Variants in LRCH4 observed in about 807,000 individuals in gnomAD.
The protein encoded by LRCH4 is leucine rich repeats and calponin homology domain containing 4, also known as leucine-rich repeat and calponin homology domain-containing protein 4.
A neutral mutation model predicts 81.2 loss-of-function variants in LRCH4; 56 were observed. The observed-to-expected ratio is 0.69, with a 90% CI of 0.56 to 0.86. The LOEUF is 0.86. LRCH4 is among the 40% of genes least tolerant of loss of function. The probability of loss-of-function intolerance (pLI) is 0.00; values close to 1 mark genes in which losing one functional copy is unlikely to be tolerated. For missense variants in LRCH4, 895 were observed against 922.8 expected (o/e 0.97, Z 0.39); for synonymous variants, 442 against 409.7 (o/e 1.08, Z -0.95).
chr7:100,574,974 GGTCA>G lies in LRCH4; in HGVS notation c.*129_*132del, dbSNP rs1344974617. Reference sequence around the variant, plus strand: ...GGGGGCACCAGAGTGGGGCCTCTGAGGTCAGTGTCTGTGAAGGGGGTGCACTAGT... The same window carrying G: ...GGGGGCACCAGAGTGGGGCCTCTGAGGTGTCTGTGAAGGGGGTGCACTAGT... On this transcript the variant is annotated 3_prime_UTR_variant, in exon 18 of 18. Coordinates refer to ENST00000310300, the MANE Select transcript of LRCH4 (RefSeq NM_002319.5). 4 of 870,708 alleles carry G rather than the reference GGTCA, an allele frequency of 4.6e-6. No homozygotes were observed. The highest frequency in any genetic ancestry group is 2.9e-5 in the Admixed American group (1 of 34,530). The allele number at this position is 870,708 out of a possible 1,614,324, so 53.9% of individuals were successfully genotyped here. A position where few individuals can be genotyped will look rare whatever the true frequency, so the allele number is the denominator to read the frequency against.
chr7:100,578,787 C>G lies in LRCH4; in HGVS notation c.599-1G>C. On this transcript the variant is annotated splice_acceptor_variant, in intron 4 of 17. Transcript: ENST00000310300. LOFTEE classifies it high-confidence loss of function. This position sits in a 1 kb window ranked among gnomAD's most constrained non-coding sequence, Gnocchi z 5.7. The stretch of plus-strand genomic sequence containing the variant: ...CGGACCAGAGGGAGGTCCCCCAGCT[C>G]TGGAACAGGTGGGCAAGGGAAAAGT... 6.2e-7 allele frequency: 1 copy of G among 1,612,952 alleles called. No individual in the cohort carries two copies. Among genetic ancestry groups the G allele is most frequent in the Non-Finnish European group, 8.5e-7 (1 of 1,179,786 alleles).
At chr7:100,584,795 C>A in intron 1 of LRCH4, 1 of 456,594 alleles carries the variant, frequency 2.2e-6, no homozygotes, top group Non-Finnish European at 4.4e-6. Context: ...GGTGAGCAGG[C>A]ACCTGCTTAG....
At chr7:100,585,689 C>T (rs1801713121) in intron 1 of LRCH4, among the ~76,000 whole-genome samples, 192 bp downstream of exon 1, 1 of 152,066 alleles carries the variant, frequency 6.6e-6, no homozygotes, top group Admixed American at 6.5e-5. Context: ...TCTGTGCAAA[C>T]GAGAAGCACG....
chr7:100,576,241 G>A lies in LRCH4; in HGVS notation c.1635C>T (p.Arg545=). The change falls in exon 15 of 18, where the codon CGC becomes CGT. Residue 545 remains arginine, a synonymous_variant. Transcript: ENST00000310300. ...PDEKDLMTQL[R]QVLESRLQRP... ...CGCAGCTCCCGCCTCTGCTCACCTGGCGCAGCTGAGTCATTAAGTCCTTCT... is the reference window on the plus strand; with the variant it reads ...CGCAGCTCCCGCCTCTGCTCACCTGACGCAGCTGAGTCATTAAGTCCTTCT... 3 of 1,613,922 alleles carry A rather than the reference G, an allele frequency of 1.9e-6. No homozygotes were observed. The highest frequency in any genetic ancestry group is 1.7e-6 in the Non-Finnish European group (2 of 1,179,878).
chr7:100,576,039 C>A, intron 15 of LRCH4, 31 bp from the exon 16 acceptor site: 1 of 1,584,212 alleles, frequency 6.3e-7, no homozygotes, highest in Non-Finnish European at 8.6e-7. Flanking sequence ...GAGCAGGGGT[C>A]AGGGAAGGAG....
Position 100,577,864 on chromosome 7 carries a change from G to T in LRCH4, c.997C>A (p.Arg333=), listed in dbSNP as rs377002060. ...ELSFRISELA[R]EPRGPRERKE... is the part of the protein sequence containing the mutation. The stretch of plus-strand genomic sequence containing the variant: ...CGTTCTCTGGGTCCCCGGGGCTCCC[G>T]GGCCAGCTCTGAGATCCGGAATGAC... Residue 333 remains arginine (R), a synonymous_variant, in exon 8 of 18, where the codon CGG becomes AGG. Transcript: ENST00000310300. The surrounding 1 kb of genome is among the most constrained non-coding windows in gnomAD (Gnocchi z 6.7). 18 of 1,613,770 alleles carry T rather than the reference G, an allele frequency of 1.1e-5. No individual in the cohort carries two copies. The highest frequency in any genetic ancestry group is 5.3e-5 in the African/African-American group (4 of 74,904).
rs753435128 is a variant in LRCH4 at position 100,577,621 on chromosome 7, CT to C, written c.1116+42del. 6.2e-7 allele frequency: 1 copy of C among 1,612,452 alleles called. No individual in the cohort carries two copies. The highest frequency in any genetic ancestry group is 1.1e-5 in the South Asian group (1 of 91,080). On this transcript the variant is annotated intron_variant, in intron 9 of 17. Coordinates refer to ENST00000310300, the MANE Select transcript of LRCH4 (RefSeq NM_002319.5). This position sits in a 1 kb window ranked among gnomAD's most constrained non-coding sequence, Gnocchi z 6.7. ...GTGCCCACGCCTGCCCTGTCCCCTC[CT>C]CCAGCTCCCCTCCCTTGGGAGAGGC... is the stretch of plus-strand genomic sequence containing the variant.
chr7:100,583,840 GA>G lies in LRCH4; in HGVS notation c.221-1382del. On this transcript the variant is annotated intron_variant, in intron 1 of 17. Coordinates refer to ENST00000310300, the MANE Select transcript of LRCH4 (RefSeq NM_002319.5). This position sits in a 1 kb window ranked among gnomAD's most constrained non-coding sequence, Gnocchi z 4.3. The stretch of plus-strand genomic sequence containing the variant: ...TGTGTTTGTGTGTGTGCATGTGGAC[GA>G]AGGGGGTGGAGACCGAGTTCTCAGA... The G allele has an allele frequency of 3.6e-6, 1 of 280,422 alleles. No individual in the cohort carries two copies. The highest frequency in any genetic ancestry group is 7.3e-6 in the Non-Finnish European group (1 of 137,552). The allele number at this position is 280,422 out of a possible 1,614,324, so 17.4% of individuals were successfully genotyped here.
intron 15 of LRCH4, 66 bp from the exon 16 acceptor site, chr7:100,576,074 G>C: frequency 6.5e-7 from 1 of 1,533,180 alleles, no homozygotes; most frequent in Non-Finnish European, 8.8e-7. Context: ...CAGGGAGAGT[G>C]GGGGGCTCAG....
At position 100,574,665 on chromosome 7, in the gene LRCH4, T is replaced by TCTGTA. The variant is rs1442454602; in HGVS notation, c.*437_*441dup. On this transcript the variant is annotated 3_prime_UTR_variant, in exon 18 of 18. Coordinates refer to ENST00000310300, the MANE Select transcript of LRCH4 (RefSeq NM_002319.5). ...ACACACACAGGCAGGGCGGCCACGG[T>TCTGTA]CTGTACAGTTTATACACAGAGATAG... 6.3e-6 allele frequency: 1 copy of TCTGTA among 159,166 alleles called. No homozygotes were observed. The highest frequency in any genetic ancestry group is 2.6e-5 in the African/African-American group (1 of 38,146). The allele number at this position is 159,166 out of a possible 1,614,324, so 9.9% of individuals were successfully genotyped here.
In LRCH4 at chr7:100,577,997, C is replaced by T; in HGVS notation, c.949-85G>A. ...GGGGGGTCCTGTGTGGGACTAAGCTCAGGGTCTCTGCTGAGCCAGCCCTTC... is the reference window on the plus strand; with the variant it reads ...GGGGGGTCCTGTGTGGGACTAAGCTTAGGGTCTCTGCTGAGCCAGCCCTTC... On this transcript the variant is annotated intron_variant, in intron 7 of 17. Transcript: ENST00000310300. The surrounding 1 kb of genome is among the most constrained non-coding windows in gnomAD (Gnocchi z 6.7). 7.4e-7 allele frequency: 1 copy of T among 1,350,744 alleles called. No individual in the cohort carries two copies. The allele number at this position is 1,350,744 out of a possible 1,614,324, so 83.7% of individuals were successfully genotyped here.
chr7:100,574,853 G>C lies in LRCH4; in HGVS notation c.*254C>G, dbSNP rs1801292617. 4.4e-6 allele frequency: 2 copies of C among 452,970 alleles called. No homozygotes were observed. Among genetic ancestry groups the C allele is most frequent in the Non-Finnish European group, 7.9e-6 (2 of 252,142 alleles). 28.1% of individuals were successfully genotyped at this position (452,970 alleles called of 1,614,324 possible). Reference sequence around the variant, plus strand: ...CCCTCACGGGGTACAGAGGGCAGGGGCAGGGCCGGCGGGGACATGAAGGCA... The same window carrying C: ...CCCTCACGGGGTACAGAGGGCAGGGCCAGGGCCGGCGGGGACATGAAGGCA... On this transcript the variant is annotated 3_prime_UTR_variant, in exon 18 of 18. Transcript: ENST00000310300.
chr7:100,584,111 G>C (rs754362775), intron 1 of LRCH4: 2 of 456,394 alleles, frequency 4.4e-6, no homozygotes, highest in Non-Finnish European at 8.8e-6. Flanking sequence ...AAAGAGATGG[G>C]AGACGGGAGG....
At chr7:100,580,814 GAC>G (rs141381033) in intron 4 of LRCH4, 4 of 148,064 alleles carry the variant, frequency 2.7e-5, no homozygotes, top group Admixed American at 6.8e-5. Flanking sequence ...CATGCACATA[GAC>G]ACACATGCAC....
rs1220185532 is a variant in LRCH4, at chr7:100,578,522, G to C, written c.736-11C>G. 4 of 1,609,464 alleles carry C rather than the reference G, an allele frequency of 2.5e-6. No homozygotes were observed. The African/African-American group carries it at 5.3e-5, about 22-fold the overall frequency. On this transcript the variant is annotated splice_polypyrimidine_tract_variant and intron_variant, in intron 5 of 17. Coordinates refer to ENST00000310300, the MANE Select transcript of LRCH4 (RefSeq NM_002319.5). The surrounding 1 kb of genome is among the most constrained non-coding windows in gnomAD (Gnocchi z 5.7). The stretch of plus-strand genomic sequence containing the variant: ...CCCCTTCAGGCAGACCTGTGTGCGG[G>C]GCAGCACACGCCAGGGAGTTGGCAG...
rs1801295440 is a variant in LRCH4 at position 100,574,911 on chromosome 7, C to G, written c.*196G>C. 5.3e-6 allele frequency: 3 copies of G among 567,764 alleles called. No homozygotes were observed. In the African/African-American group the frequency reaches 5.6e-5, roughly 11 times the overall value. The allele number at this position is 567,764 out of a possible 1,614,324, so 35.2% of individuals were successfully genotyped here. ...CACTGAGAGGTGGGGACTCGTGGGG[C>G]TACTGGAGGGAGGCCAGAGGCTGGG... On this transcript the variant is annotated 3_prime_UTR_variant, in exon 18 of 18. Coordinates refer to ENST00000310300, the MANE Select transcript of LRCH4 (RefSeq NM_002319.5).
rs770400987 is a variant in LRCH4 at position 100,575,204 on chromosome 7, G to A, written c.1955C>T (p.Pro652Leu). ...VKRVGGKALP[P>L]LWPPSGLGGF... ...GCCCAGACCAGAGGGGGGCCAGAGG[G>A]GCGGTAGGGCCTTGCCCCCCACCCG... Residue 652 changes from proline (P) to leucine (L), a missense_variant, in exon 18 of 18, where the codon CCC becomes CTC. By Grantham distance (98) the Pro-to-Leu change is moderately conservative. This residue lies in a region of LRCH4 where 529 missense variants were observed against 504.9 expected (regional missense o/e 1.05). Coordinates refer to ENST00000310300, the MANE Select transcript of LRCH4 (RefSeq NM_002319.5). The surrounding 1 kb of genome is among the most constrained non-coding windows in gnomAD (Gnocchi z 5.3). The A allele has an allele frequency of 5.6e-6, 9 of 1,611,846 alleles. No individual in the cohort carries two copies. The East Asian group carries it at 1.6e-4, about 28-fold the overall frequency.
chr7:100,582,341 G>A lies in LRCH4; in HGVS notation c.339C>T (p.Leu113=), dbSNP rs948726552. ...TGAGGTTGAGGTAGGTGAGGGCTGTGAGATTCCCCAAGGCTGGGTTCAGGC... is the reference window on the plus strand; with the variant it reads ...TGAGGTTGAGGTAGGTGAGGGCTGTAAGATTCCCCAAGGCTGGGTTCAGGC... The part of the protein sequence containing the change: ...LRCLNPALGN[L]TALTYLNLSR... Residue 113 remains leucine, a synonymous_variant, in exon 2 of 18, where the codon CTC becomes CTT. Coordinates refer to ENST00000310300, the MANE Select transcript of LRCH4 (RefSeq NM_002319.5). The surrounding 1 kb of genome is among the most constrained non-coding windows in gnomAD (Gnocchi z 5.0). 1.9e-6 allele frequency: 3 copies of A among 1,614,090 alleles called. No homozygotes were observed. In the African/African-American group the frequency reaches 4.0e-5, roughly 22 times the overall value.
At chr7:100,581,480 G>A (rs1277919301) in intron 4 of LRCH4, among the ~76,000 whole-genome samples, 1 of 152,116 alleles carries the variant, frequency 6.6e-6, no homozygotes, top group Non-Finnish European at 1.5e-5. Context: ...AGATCATGAG[G>A]GTGGAGCCCT....
Sources: gnomAD v4.1 joint callset for allele counts (sites outside exome capture counted in the v4.1 genomes callset) on GRCh38, gnomAD v4.1.1 for gene constraint, gnomAD v4.1.1 regional missense constraint, Gnocchi (gnomAD v3.1) non-coding constraint, MANE v1.5 for transcripts, NCBI Gene and HGNC (gene_info 2026-07-23, HGNC 2026-07-21) for gene names.